Variants in HEATR5A observed in about 807,000 individuals in gnomAD.
HEATR5A encodes HEAT repeat-containing protein 5A.
A neutral mutation model predicts 218.8 loss-of-function variants in HEATR5A; 178 were observed. The observed-to-expected ratio is 0.81, with a 90% CI of 0.72 to 0.92. HEATR5A has a LOEUF of 0.92. HEATR5A is among the 40% of genes least tolerant of loss of function. The pLI is 0.00. For missense variants in HEATR5A, 2,420 were observed against 2,418.9 expected, an observed-to-expected ratio of 1.00 and a Z score of -0.01; for synonymous variants, 864 against 871.6, an observed-to-expected ratio of 0.99 and a Z score of 0.15.
chr14:31,346,534 A>C (rs1901028281), intron 19 of HEATR5A, among the ~76,000 whole-genome samples: 1 of 152,202 alleles, frequency 6.6e-6, no homozygotes, highest in Non-Finnish European at 1.5e-5. Context: ...GAGAAGAGAA[A>C]AAGAAAAGGT....
chr14:31,415,133 C>T (rs112373532), intron 1 of HEATR5A, among the ~76,000 whole-genome samples: 2 of 152,278 alleles, frequency 1.3e-5, no homozygotes, highest in Middle Eastern at 3.4e-3. Context: ...CCACCACGCC[C>T]GGCTGGTTCC....
At chr14:31,391,424 C>G (rs1205463491) in intron 6 of HEATR5A, among the ~76,000 whole-genome samples, 1 of 152,134 alleles carries the variant, frequency 6.6e-6, no homozygotes, top group Admixed American at 6.5e-5. Context: ...CAAGCATGAG[C>G]CACTGCACCT....
chr14:31,406,102 C>T (rs1299274857), intron 1 of HEATR5A, among the ~76,000 whole-genome samples: 2 of 152,190 alleles, frequency 1.3e-5, no homozygotes, highest in Non-Finnish European at 2.9e-5. Context: ...CTGCTCTTAT[C>T]TGAAGTCTTA....
chr14:31,330,980 C>T (rs1387387806), intron 22 of HEATR5A, among the ~76,000 whole-genome samples: 2 of 123,638 alleles, frequency 1.6e-5, no homozygotes, highest in Non-Finnish European at 3.2e-5. Context: ...CTCACTTTGT[C>T]GCCCAGGCTG....
At chr14:31,296,341 G>A in intron 33 of HEATR5A, 1 of 300,708 alleles carries the variant, frequency 3.3e-6, no homozygotes, top group East Asian at 7.1e-5. Context: ...GTGTGACTTT[G>A]GACATCTAAC....
chr14:31,367,017 T>A (rs999688489), intron 13 of HEATR5A, among the ~76,000 whole-genome samples: 4 of 152,186 alleles, frequency 2.6e-5, no homozygotes, highest in African/African-American at 9.7e-5. Context: ...CAAATGGCAG[T>A]TATCTAATAA....
intron 22 of HEATR5A, among the ~76,000 whole-genome samples, chr14:31,335,056 C>T (rs1021174741): frequency 6.6e-6 from 1 of 152,026 alleles, no homozygotes; most frequent in African/African-American, 2.4e-5. Context: ...AGACCCTCTA[C>T]CAGCAAAAAG....
intron 23 of HEATR5A, among the ~76,000 whole-genome samples, chr14:31,324,125 TATCA>T (rs1490776852): frequency 2.0e-5 from 3 of 152,086 alleles, no homozygotes; most frequent in Admixed American, 1.3e-4. Context: ...CTGAAATAAT[TATCA>T]ATCCCCTGCA....
chr14:31,381,743 G>A (rs2029994194), intron 10 of HEATR5A, among the ~76,000 whole-genome samples: 4 of 151,982 alleles, frequency 2.6e-5, no homozygotes, highest in Non-Finnish European at 2.9e-5. Flanking sequence ...CTATGATCTC[G>A]CCACTGCACT....
chr14:31,348,441 G>A (rs1187510247), intron 18 of HEATR5A, among the ~76,000 whole-genome samples: 1 of 152,058 alleles, frequency 6.6e-6, no homozygotes, highest in Non-Finnish European at 1.5e-5. Flanking sequence ...TAATTAACTG[G>A]GCGTAGTGTC....
intron 1 of HEATR5A, among the ~76,000 whole-genome samples, chr14:31,404,080 C>A (rs1047137693): frequency 1.3e-5 from 2 of 151,878 alleles, no homozygotes; most frequent in African/African-American, 4.8e-5. Context: ...TTAAAAAGCA[C>A]AACAAAAAGT....
intron 16 of HEATR5A, 71 bp downstream of exon 16, chr14:31,358,566 G>T: frequency 7.6e-7 from 1 of 1,314,960 alleles, no homozygotes; most frequent in Non-Finnish European, 1.1e-6. Context: ...ACGCTAATGA[G>T]ATCTCTGGCA....
chr14:31,321,702 T>C, intron 24 of HEATR5A, 22 bp from the exon 25 acceptor site: 25 of 1,508,930 alleles, frequency 1.7e-5, no homozygotes, highest in Non-Finnish European at 2.2e-5. Context: ...AAAAACATAT[T>C]GGGAGAAAAA....
At chr14:31,340,445 C>T in intron 21 of HEATR5A, 2 of 1,288,644 alleles carry the variant, frequency 1.6e-6, no homozygotes, top group Non-Finnish European at 2.0e-6. Flanking sequence ...GGGTCAGGGA[C>T]CTACCAACAC....
intron 14 of HEATR5A, among the ~76,000 whole-genome samples, chr14:31,363,437 A>T (rs927147184): frequency 1.3e-5 from 2 of 152,128 alleles, no homozygotes; most frequent in African/African-American, 4.8e-5. Context: ...CATATCACTA[A>T]GCTATGATTG....
chr14:31,417,369 G>C (rs544677231), intron 1 of HEATR5A, among the ~76,000 whole-genome samples: 64 of 152,258 alleles, frequency 4.2e-4, no homozygotes, highest in African/African-American at 1.5e-3. Flanking sequence ...GGCCATCCTG[G>C]CTAACACGGT....
At chr14:31,298,482 G>A (rs1422087245) in intron 33 of HEATR5A, among the ~76,000 whole-genome samples, 1 of 152,100 alleles carries the variant, frequency 6.6e-6, no homozygotes, top group African/African-American at 2.4e-5. Context: ...TATTTGTAGA[G>A]ACAGTATCTT....
At chr14:31,332,034 G>A (rs930583891) in intron 22 of HEATR5A, among the ~76,000 whole-genome samples, 3 of 152,240 alleles carry the variant, frequency 2.0e-5, no homozygotes, top group Admixed American at 1.3e-4. Context: ...CTGTCATGAT[G>A]TCTGGGGCCT....
rs2029893830 is a variant in HEATR5A at position 31,379,401 on chromosome 14, C to T, written c.1708+1066G>A. Among the ~76,000 whole-genome samples the T allele has an allele frequency of 5.9e-5, 9 of 152,050 alleles. No homozygotes were observed. In the South Asian group the frequency reaches 1.9e-3, roughly 32 times the overall value. ...GAGTAGCTGGGACTACAGGCATGCA[C>T]CACCATGCCCGGCTAATTTTTGTAT... On this transcript the variant is annotated intron_variant, in intron 11 of 35. Transcript: ENST00000543095.
Sources: allele counts gnomAD v4.1 joint callset (sites outside exome capture counted in the v4.1 genomes callset), GRCh38; gene constraint gnomAD v4.1.1; transcripts MANE v1.5; gene names NCBI Gene and HGNC (gene_info 2026-07-23, HGNC 2026-07-21).